The following RNF144A variants were observed in gnomAD, a reference collection of about 807,000 sequenced individuals.
RNF144A encodes the protein ring finger protein 144A.
In RNF144A, 11 loss-of-function variants were observed where a neutral mutation model predicts 38.7. The ratio of observed to expected loss-of-function variants is 0.28; its 90% CI spans 0.18 to 0.47. The LOEUF is 0.47. Among genes scored for constraint, RNF144A ranks in the 20% least tolerant of loss-of-function variants. The pLI is 0.99. For synonymous variants in RNF144A, 149 were observed against 143.9 expected, an observed-to-expected ratio of 1.04 and a Z score of -0.25; for missense variants, 316 against 377.2, an observed-to-expected ratio of 0.84 and a Z score of 1.34.
chr2:6,926,566 C>T (rs1664884862), intron 1 of RNF144A, among the ~76,000 whole-genome samples: 1 of 152,222 alleles, frequency 6.6e-6, no homozygotes, highest in Admixed American at 6.5e-5. Context: ...GGGCTATGCA[C>T]ACCTGTGTGT....
At position 6,917,459 on chromosome 2, in the gene RNF144A, G is replaced by A. The variant is rs1028966547; in HGVS notation, c.-375G>A. 10 of 147,034 alleles carry A rather than the reference G, an allele frequency of 6.8e-5. No homozygotes were observed. Among genetic ancestry groups the A allele is most frequent in the African/African-American group, 2.4e-4 (10 of 40,988 alleles). The allele number at this position is 147,034 out of a possible 1,614,324, so 9.1% of individuals were successfully genotyped here. On this transcript the variant is annotated 5_prime_UTR_variant, in exon 1 of 9. Coordinates refer to ENST00000320892, the MANE Select transcript of RNF144A (RefSeq NM_014746.6). The surrounding 1 kb of genome is among the most constrained non-coding windows in gnomAD (Gnocchi z 4.8). Reference sequence around the variant, plus strand: ...CCCGCGCAGCCGCTTCTCCCCGCGCGGGCTCTCGGCAGGCGGGAGGCGGCA... The same window carrying A: ...CCCGCGCAGCCGCTTCTCCCCGCGCAGGCTCTCGGCAGGCGGGAGGCGGCA...
rs1400963079 is a variant in RNF144A at position 7,041,588 on chromosome 2, AGGTGG to A, written c.*1830_*1834del. ...TCTACTGTTAGAATAGCTTTTCTGGAGGTGGGTGGCAACTCCACGCGGGAGTCATT... is the reference window on the plus strand; with the variant it reads ...TCTACTGTTAGAATAGCTTTTCTGGAGTGGCAACTCCACGCGGGAGTCATT... On this transcript the variant is annotated 3_prime_UTR_variant, in exon 9 of 9. Coordinates refer to ENST00000320892, the MANE Select transcript of RNF144A (RefSeq NM_014746.6). 1.8e-5 allele frequency: 18 copies of A among 985,764 alleles called. No homozygotes were observed. The African/African-American group carries it at 2.8e-4, about 15-fold the overall frequency. The allele number at this position is 985,764 out of a possible 1,614,324, so 61.1% of individuals were successfully genotyped here. A position where few individuals can be genotyped will look rare whatever the true frequency, so the allele number is the denominator to read the frequency against.
At position 6,956,706 on chromosome 2, in the gene RNF144A, G is replaced by A. The variant is rs568612801; in HGVS notation, c.-12+15559G>A. On this transcript the variant is annotated intron_variant, in intron 2 of 8. Transcript: ENST00000320892. Reference sequence around the variant, plus strand: ...TTCTAATCTAGTGGCATCCGGGGACGCTGCTCAGCTTCAATGTGAGAACAA... The same window carrying A: ...TTCTAATCTAGTGGCATCCGGGGACACTGCTCAGCTTCAATGTGAGAACAA... Among the ~76,000 whole-genome samples, 5 of 152,240 alleles carry A rather than the reference G, an allele frequency of 3.3e-5. No homozygotes were observed. The South Asian group carries it at 1.0e-3, about 32-fold the overall frequency.
At chr2:7,052,192 C>A (rs1673556885) in intron 6 of RNF144A, among the ~76,000 whole-genome samples, 1 of 152,010 alleles carries the variant, frequency 6.6e-6, no homozygotes, top group Admixed American at 6.6e-5. Flanking sequence ...AGAAAAAAAA[C>A]AAAACGCTGG....
Position 7,044,048 on chromosome 2 carries a change from A to G in RNF144A, c.*4288A>G, listed in dbSNP as rs770059320. ...ATGTTGTGTTTTGTACTCTGGAATC[A>G]TATGGAAAAAGTTTGATTTGTAATT... is the stretch of plus-strand genomic sequence containing the variant. On this transcript the variant is annotated 3_prime_UTR_variant, in exon 9 of 9. Transcript: ENST00000320892. 1.7e-5 allele frequency: 17 copies of G among 985,750 alleles called. No homozygotes were observed. 61.1% of individuals were successfully genotyped at this position (985,750 alleles called of 1,614,324 possible).
At chr2:7,036,812 T>G (rs1672709951) in intron 8 of RNF144A, among the ~76,000 whole-genome samples, 1 of 152,184 alleles carries the variant, frequency 6.6e-6, no homozygotes, top group Non-Finnish European at 1.5e-5. Context: ...TGAATGTGGT[T>G]TGTACAAGAA....
chr2:6,953,465 A>G (rs1666814881), intron 2 of RNF144A, among the ~76,000 whole-genome samples: 2 of 152,206 alleles, frequency 1.3e-5, no homozygotes, highest in Non-Finnish European at 2.9e-5. Context: ...CTTTAATGGC[A>G]TCTCATAAGT....
chr2:6,919,999 G>C (rs1217457551), intron 1 of RNF144A, among the ~76,000 whole-genome samples: 1 of 152,238 alleles, frequency 6.6e-6, no homozygotes, highest in Non-Finnish European at 1.5e-5. Flanking sequence ...TGTTGCTAGA[G>C]TAAGTCACGT....
Position 6,941,946 on chromosome 2 carries a change from G to T in RNF144A, c.-12+799G>T, listed in dbSNP as rs1666020322. Among the ~76,000 whole-genome samples, 1 of 152,268 alleles carries T rather than the reference G, an allele frequency of 6.6e-6. No homozygotes were observed. Among genetic ancestry groups the T allele is most frequent in the Non-Finnish European group, 1.5e-5 (1 of 68,046 alleles). ...GTGGGACCTGGCTGTGCCTGCCATT[G>T]CAGGCTGTGGGGGAATTCTAGGTTC... On this transcript the variant is annotated intron_variant, in intron 2 of 8. Coordinates refer to ENST00000320892, the MANE Select transcript of RNF144A (RefSeq NM_014746.6). This position sits in a 1 kb window ranked among gnomAD's most constrained non-coding sequence, Gnocchi z 6.5.
rs151212036 is a variant in RNF144A, at chr2:6,960,017, C to A, written c.-12+18870C>A. 3.1e-3 allele frequency among the ~76,000 whole-genome samples: 466 copies of A among 152,344 alleles called. 1 individual carries two copies. Among genetic ancestry groups the A allele is most frequent in the African/African-American group, 0.011 (447 of 41,570 alleles). ...CTCCATGTTACTTCCTCTCTGTGGCCTGTATTCCGGAGACCCTCCAGCACT... is the reference window on the plus strand; with the variant it reads ...CTCCATGTTACTTCCTCTCTGTGGCATGTATTCCGGAGACCCTCCAGCACT... On this transcript the variant is annotated intron_variant, in intron 2 of 8. Coordinates refer to ENST00000320892, the MANE Select transcript of RNF144A (RefSeq NM_014746.6).
In RNF144A at chr2:7,039,706, A is replaced by G; in HGVS notation, c.825A>G (p.Val275=). 1.2e-6 allele frequency: 2 copies of G among 1,613,364 alleles called. No homozygotes were observed. Among genetic ancestry groups the G allele is most frequent in the Middle Eastern group, 1.7e-4 (1 of 6,048 alleles). ...TCCTACTCCTGGCCACTCCCTTTGT[A>G]CTTTGCTGCAAGTGCAAGTGCAGTA... ...SPFLLLATPF[V]LCCKCKCSKG... The change falls in exon 9 of 9, where the codon GTA becomes GTG. Residue 275 remains valine, a synonymous_variant. Coordinates refer to ENST00000320892, the MANE Select transcript of RNF144A (RefSeq NM_014746.6).
intron 1 of RNF144A, among the ~76,000 whole-genome samples, chr2:6,929,173 C>G (rs539069415): frequency 1.3e-5 from 2 of 152,228 alleles, no homozygotes; most frequent in African/African-American, 4.8e-5. Context: ...GATTGAAACG[C>G]CATGCATAGT....
chr2:7,072,439 AAG>A (rs1244534604), downstream of RNF144A, among the ~76,000 whole-genome samples: 2 of 152,238 alleles, frequency 1.3e-5, no homozygotes, highest in Non-Finnish European at 2.9e-5. Flanking sequence ...CTGTTAAGCA[AAG>A]AGAAGCCAGA....
chr2:7,070,932 GTTTT>G (rs138072047), downstream of RNF144A, among the ~76,000 whole-genome samples: 17,510 of 122,984 alleles, frequency 0.14, 1,002 homozygotes, highest in African/African-American at 0.16. Context: ...GCTTTGCTGA[GTTTT>G]TTTTTTTTTT....
intron 5 of RNF144A, 53 bp from the exon 6 acceptor site, chr2:7,020,420 C>T (rs901402359): frequency 1.3e-6 from 2 of 1,526,212 alleles, no homozygotes; most frequent in African/African-American, 2.7e-5. Context: ...CTCTGAAGCC[C>T]ACATGACCCT....
rs1667380731 is a variant in RNF144A, at chr2:6,962,053, G to A, written c.-12+20906G>A. On this transcript the variant is annotated intron_variant, in intron 2 of 8. Coordinates refer to ENST00000320892, the MANE Select transcript of RNF144A (RefSeq NM_014746.6). The surrounding 1 kb of genome is among the most constrained non-coding windows in gnomAD (Gnocchi z 4.1). ...TTTAATAGGTGAAAGAAAGAGAATA[G>A]CTCTCCGCTACAGAGAGCGGTCCTG... Among the ~76,000 whole-genome samples, 1 of 152,220 alleles carries A rather than the reference G, an allele frequency of 6.6e-6. No homozygotes were observed. The highest frequency in any genetic ancestry group is 6.5e-5 in the Admixed American group (1 of 15,282).
chr2:7,028,141 G>A (rs1050791762), intron 7 of RNF144A, among the ~76,000 whole-genome samples: 1 of 152,196 alleles, frequency 6.6e-6, no homozygotes, highest in Non-Finnish European at 1.5e-5. Flanking sequence ...GAGGTTACTG[G>A]CTCTGGGGGC....
intron 2 of RNF144A, among the ~76,000 whole-genome samples, chr2:6,981,656 TCAA>T (rs1466292385): frequency 6.6e-6 from 1 of 152,198 alleles, no homozygotes; most frequent in East Asian, 1.9e-4. Context: ...TCAAAACCAT[TCAA>T]CAAGTCTCTA....
intron 7 of RNF144A, among the ~76,000 whole-genome samples, chr2:7,025,349 T>C (rs778559877): frequency 1.5e-4 from 23 of 152,230 alleles, no homozygotes; most frequent in Admixed American, 2.6e-4. Context: ...ATTTTAGTTT[T>C]AGAATAATTT....
Sources: allele counts gnomAD v4.1 joint callset (sites outside exome capture counted in the v4.1 genomes callset), GRCh38; gene constraint gnomAD v4.1.1; non-coding constraint Gnocchi (gnomAD v3.1); transcripts MANE v1.5; gene names NCBI Gene and HGNC (gene_info 2026-07-23, HGNC 2026-07-21).